The following SYNJ2 variants were observed in gnomAD, a reference collection of about 807,000 sequenced individuals.
The protein encoded by SYNJ2 is synaptojanin 2, also known as polyphosphatidylinositol phosphatase SYNJ2.
In SYNJ2, 116 loss-of-function variants were observed where a neutral mutation model predicts 141.3. The observed-to-expected ratio is 0.82, with a 90% CI of 0.71 to 0.96. The LOEUF is 0.96. Among genes scored for constraint, SYNJ2 ranks in the 40% least tolerant of loss-of-function variants. SYNJ2 has a pLI of 0.00. For synonymous variants in SYNJ2, 745 were observed against 777.7 expected (o/e 0.96, Z 0.70); for missense variants, 1,873 against 1,934.8 (o/e 0.97, Z 0.60).
In SYNJ2 at chr6:158,071,053, G is replaced by T. The variant is rs1781888973; in HGVS notation, c.1941-549G>T. On this transcript the variant is annotated intron_variant, in intron 14 of 26. Coordinates refer to ENST00000355585, the MANE Select transcript of SYNJ2 (RefSeq NM_003898.4). The surrounding 1 kb of genome is among the most constrained non-coding windows in gnomAD (Gnocchi z 4.3). ...CAAAAATTAGCCGGGCGTGATGGTG[G>T]GTACCTGTAATCCCAGCTACTCAGG... Among the ~76,000 whole-genome samples the T allele has an allele frequency of 6.6e-6, 1 of 152,224 alleles. No individual in the cohort carries two copies. Among genetic ancestry groups the T allele is most frequent in the Middle Eastern group, 3.4e-3 (1 of 294 alleles).
At chr6:157,997,613 T>A (rs1562313317) in intron 1 of SYNJ2, among the ~76,000 whole-genome samples, 4 of 152,054 alleles carry the variant, frequency 2.6e-5, no homozygotes, top group Middle Eastern at 3.2e-3. Flanking sequence ...AATTTGCTGT[T>A]GTTTCAAGCC....
At chr6:158,058,070 T>C (rs1382516929) in intron 6 of SYNJ2, among the ~76,000 whole-genome samples, 1 of 152,198 alleles carries the variant, frequency 6.6e-6, no homozygotes, top group Non-Finnish European at 1.5e-5. Flanking sequence ...AGAAAAAAAA[T>C]GATTTTTTTC....
Position 158,017,224 on chromosome 6 carries a change from A to C in SYNJ2, c.148A>C (p.Ile50Leu). The C allele has an allele frequency of 6.2e-7, 1 of 1,613,228 alleles. No homozygotes were observed. The highest frequency in any genetic ancestry group is 1.3e-5 in the African/African-American group (1 of 74,984). The change falls in exon 2 of 27, where the codon ATT (isoleucine) becomes CTT (leucine). Residue 50 changes from isoleucine to leucine, a missense_variant. By Grantham distance (5) the Ile-to-Leu change is conservative. Coordinates refer to ENST00000355585, the MANE Select transcript of SYNJ2 (RefSeq NM_003898.4). ...ATLAPEEKEV[I>L]KGQYGKLTDA... is the part of the protein sequence containing the mutation. ...CCCAGCTCCAGAAGAAAAGGAAGTC[A>C]TTAAAGGACAGTATGGCAAGCTCAC...
chr6:158,048,788 G>T (rs554300256), intron 5 of SYNJ2, among the ~76,000 whole-genome samples: 1 of 152,260 alleles, frequency 6.6e-6, no homozygotes, highest in East Asian at 1.9e-4. Flanking sequence ...TCCCATCGTG[G>T]CCACTTTCAA....
chr6:157,981,986 C>T lies in SYNJ2; in HGVS notation c.25C>T (p.Leu9=), dbSNP rs1777028955. The T allele has an allele frequency of 7.8e-7, 1 of 1,277,212 alleles. No individual in the cohort carries two copies. Among genetic ancestry groups the T allele is most frequent in the Non-Finnish European group, 9.9e-7 (1 of 1,012,282 alleles). The allele number at this position is 1,277,212 out of a possible 1,614,324, so 79.1% of individuals were successfully genotyped here. ...CATGGCCCTGAGCAAAGGGCTGCGG[C>T]TGCTGGGGCGCCTGGGGGCCGAGGG... MALSKGLR[L]LGRLGAEGDC... Residue 9 remains leucine (L), a synonymous_variant, in exon 1 of 27, where the codon CTG becomes TTG. Coordinates refer to ENST00000355585, the MANE Select transcript of SYNJ2 (RefSeq NM_003898.4). The surrounding 1 kb of genome is among the most constrained non-coding windows in gnomAD (Gnocchi z 6.4).
intron 4 of SYNJ2, among the ~76,000 whole-genome samples, chr6:158,038,887 A>G (rs955963657): frequency 3.3e-5 from 5 of 152,234 alleles, no homozygotes; most frequent in African/African-American, 1.2e-4. Context: ...CAGCCCAGGA[A>G]GGAGGGGCAT....
chr6:158,063,156 G>C (rs902522337), intron 8 of SYNJ2, among the ~76,000 whole-genome samples: 3 of 152,168 alleles, frequency 2.0e-5, no homozygotes, highest in African/African-American at 7.2e-5. Flanking sequence ...ATTTCCCCTA[G>C]GAGCGATGGT....
At chr6:158,087,072 A>G (rs1164062759) in intron 23 of SYNJ2, 83 bp downstream of exon 23, 1 of 1,495,264 alleles carries the variant, frequency 6.7e-7, no homozygotes, top group African/African-American at 1.4e-5. Flanking sequence ...ACGGCTCCGA[A>G]TCCACTTCTC....
intron 1 of SYNJ2, among the ~76,000 whole-genome samples, chr6:157,987,938 G>A (rs1267094473): frequency 6.6e-6 from 1 of 152,238 alleles, no homozygotes; most frequent in Non-Finnish European, 1.5e-5. Context: ...AACAGGGAGC[G>A]CTCTGCTGGT....
rs79349919 is a variant in SYNJ2, at chr6:158,021,097, C to T, written c.214+3807C>T. Among the ~76,000 whole-genome samples the T allele has an allele frequency of 6.6e-4, 100 of 152,250 alleles. 1 individual carries two copies. In the East Asian group the frequency reaches 0.018, roughly 28 times the overall value. On this transcript the variant is annotated intron_variant, in intron 2 of 26. Coordinates refer to ENST00000355585, the MANE Select transcript of SYNJ2 (RefSeq NM_003898.4). ...GAATGTAGCAGAAAAAAGAACTTAT[C>T]CCAATGATTATAGCAATTTAAATTC...
At position 158,084,498 on chromosome 6, in the gene SYNJ2, G is replaced by A. The variant is rs760581273; in HGVS notation, c.3208+324G>A. 8.6e-5 allele frequency among the ~76,000 whole-genome samples: 13 copies of A among 152,012 alleles called. 1 individual carries two copies. Among genetic ancestry groups the A allele is most frequent in the South Asian group, 4.2e-4 (2 of 4,796 alleles). ...GGTTTTATATTTGTGATTATTTCCC[G>A]CCCCCAACAAAACTCTTCTGATTCA... is the stretch of plus-strand genomic sequence containing the variant. On this transcript the variant is annotated intron_variant, in intron 22 of 26. Transcript: ENST00000355585. This position sits in a 1 kb window ranked among gnomAD's most constrained non-coding sequence, Gnocchi z 5.0.
At chr6:158,053,089 T>C (rs1780657375) in intron 5 of SYNJ2, among the ~76,000 whole-genome samples, 1 of 152,170 alleles carries the variant, frequency 6.6e-6, no homozygotes, top group Non-Finnish European at 1.5e-5. Context: ...GTCCCTACAT[T>C]TACATTTTCC....
At position 158,029,009 on chromosome 6, in the gene SYNJ2, G is replaced by A. The variant is rs759833654; in HGVS notation, c.468G>A (p.Trp156Ter). 6.8e-7 allele frequency: 1 copy of A among 1,479,656 alleles called. No homozygotes were observed. The highest frequency in any genetic ancestry group is 9.0e-7 in the Non-Finnish European group (1 of 1,116,204). The allele number at this position is 1,479,656 out of a possible 1,614,324, so 91.7% of individuals were successfully genotyped here. Residue 156 changes from tryptophan (W) to a stop codon, truncating the protein, a stop_gained, in exon 3 of 27, where the codon TGG becomes TGA. Transcript: ENST00000355585. LOFTEE classifies it high-confidence loss of function. ...TQKQGDDSSE[W>*]GNSFFWNQLL... ...AGCAGGGGGATGACAGCTCTGAATG[G>A]GGGAACTCCTTCTTCTGGTGAGGCC...
At chr6:157,990,974 G>A in intron 1 of SYNJ2, among the ~76,000 whole-genome samples, 1 of 152,082 alleles carries the variant, frequency 6.6e-6, no homozygotes, top group East Asian at 1.9e-4. Context: ...GGGACAGCCA[G>A]ACCCCAGCCC....
At chr6:158,072,441 T>G (rs575865640) in intron 15 of SYNJ2, among the ~76,000 whole-genome samples, 1 of 152,318 alleles carries the variant, frequency 6.6e-6, no homozygotes, top group South Asian at 2.1e-4. Flanking sequence ...CGGGCACAGC[T>G]TCAGCGTGTG....
intron 7 of SYNJ2, among the ~76,000 whole-genome samples, chr6:158,060,461 T>C (rs1583431997): frequency 6.6e-6 from 1 of 152,310 alleles, no homozygotes; most frequent in Middle Eastern, 3.4e-3. Context: ...TGTTTAAAGC[T>C]CAAAGATATC....
rs902197436 is a variant in SYNJ2, at chr6:158,081,120, C to T, written c.2579C>T (p.Ala860Val). The change falls in exon 19 of 27, where the codon GCG becomes GTG. Residue 860 changes from alanine (A) to valine (V), a missense_variant. Coordinates refer to ENST00000355585, the MANE Select transcript of SYNJ2 (RefSeq NM_003898.4). The part of the protein sequence containing the change: ...LQASDHRPVL[A>V]IVEVEVQEVD... ...TGTTCCTAACGCAGACCTGTGCTGG[C>T]GATCGTGGAGGTGGAAGTTCAGGAA... 5.6e-6 allele frequency: 9 copies of T among 1,613,694 alleles called. No homozygotes were observed. The African/African-American group carries it at 8.0e-5, about 14-fold the overall frequency.
intron 7 of SYNJ2, among the ~76,000 whole-genome samples, chr6:158,060,727 GAAT>G (rs900514974): frequency 6.6e-6 from 1 of 152,236 alleles, no homozygotes; most frequent in African/African-American, 2.4e-5. Flanking sequence ...TAAAAAATAA[GAAT>G]AATAATAAGA....
intron 4 of SYNJ2, among the ~76,000 whole-genome samples, chr6:158,039,061 A>C (rs1779793388): frequency 1.3e-5 from 2 of 152,256 alleles, no homozygotes; most frequent in African/African-American, 4.8e-5. Flanking sequence ...CAGCAGGAGC[A>C]GAGATGGCTG....
Sources: gnomAD v4.1 joint callset for allele counts (sites outside exome capture counted in the v4.1 genomes callset) on GRCh38, gnomAD v4.1.1 for gene constraint, Gnocchi (gnomAD v3.1) non-coding constraint, MANE v1.5 for transcripts, NCBI Gene and HGNC (gene_info 2026-07-23, HGNC 2026-07-21) for gene names.